MOSPD1: variants seen among roughly 807,000 people sequenced by gnomAD.
The protein encoded by MOSPD1 is motile sperm domain-containing protein 1.
Under a neutral mutation model 16.7 loss-of-function variants are expected in MOSPD1, and 5 were observed. The ratio of observed to expected loss-of-function variants is 0.30; its 90% CI spans 0.16 to 0.63. The LOEUF (loss-of-function observed/expected upper bound fraction) is 0.63, where lower values mean the gene tolerates loss of function less well. Among genes scored for constraint, MOSPD1 ranks in the 30% least tolerant of loss-of-function variants. MOSPD1 has a pLI of 0.82. For missense variants in MOSPD1, 104 were observed against 153.6 expected (o/e 0.68, Z 1.71); for synonymous variants, 67 against 59.2 (o/e 1.13, Z -0.61).
chrX:134,903,537 C>G (rs769775827), intron 1 of MOSPD1, among the ~76,000 whole-genome samples: 21 of 107,258 alleles, frequency 2.0e-4, no homozygotes, highest in African/African-American at 7.1e-4. Context: ...CATGGTGAAA[C>G]GCCGTCTCTA....
chrX:134,904,411 G>A (rs1406212094), intron 1 of MOSPD1, among the ~76,000 whole-genome samples: 1 of 112,105 alleles, frequency 8.9e-6, no homozygotes, highest in East Asian at 2.8e-4. Context: ...GTACGTCTAG[G>A]GATTTATCTG....
intron 5 of MOSPD1, 67 bp downstream of exon 5, chrX:134,891,412 C>T: frequency 3.9e-6 from 4 of 1,032,906 alleles, no homozygotes; most frequent in African/African-American, 1.9e-5. Context: ...AAAATCAAAC[C>T]ACCACCACCC....
intron 1 of MOSPD1, among the ~76,000 whole-genome samples, chrX:134,914,708 C>T (rs1332233755): frequency 8.9e-6 from 1 of 112,790 alleles, no homozygotes; most frequent in Admixed American, 9.3e-5. Flanking sequence ...TGCCGATTTC[C>T]TTCCAGTTGC....
At chrX:134,906,211 G>A (rs1263044127) in intron 1 of MOSPD1, among the ~76,000 whole-genome samples, 1 of 72,679 alleles carries the variant, frequency 1.4e-5, no homozygotes, top group Non-Finnish European at 2.4e-5. Flanking sequence ...ACGGAGTTTC[G>A]CTCATTACCC....
At chrX:134,902,989 T>G (rs1210365404) in intron 1 of MOSPD1, among the ~76,000 whole-genome samples, 1 of 110,139 alleles carries the variant, frequency 9.1e-6, no homozygotes, top group Non-Finnish European at 1.9e-5. Context: ...CTCAGAAGTT[T>G]GATGTGTTCT....
chrX:134,902,544 G>T (rs990290047), intron 1 of MOSPD1, among the ~76,000 whole-genome samples: 1 of 110,860 alleles, frequency 9.0e-6, no homozygotes, highest in South Asian at 3.8e-4. Context: ...TGTAATCCAA[G>T]CACTTTGGGA....
At chrX:134,893,781 A>C (rs1448561996) in intron 4 of MOSPD1, among the ~76,000 whole-genome samples, 3 of 111,666 alleles carry the variant, frequency 2.7e-5, no homozygotes, top group Non-Finnish European at 5.7e-5. Context: ...AGATCCTTGT[A>C]AATGTCTGCC....
intron 4 of MOSPD1, 62 bp from the exon 5 acceptor site, chrX:134,891,702 C>T: frequency 3.8e-6 from 4 of 1,063,267 alleles, no homozygotes; most frequent in Non-Finnish European, 5.2e-6. Flanking sequence ...AGTTCCTTCA[C>T]AAACACTGGC....
chrX:134,910,006 A>G (rs1452006151), intron 1 of MOSPD1, among the ~76,000 whole-genome samples: 4 of 112,166 alleles, frequency 3.6e-5, no homozygotes, highest in Non-Finnish European at 7.5e-5. Flanking sequence ...CATGTTTTAC[A>G]ACATCTCAGT....
At chrX:134,890,534 T>C (rs983884986) in intron 5 of MOSPD1, among the ~76,000 whole-genome samples, 2 of 110,613 alleles carry the variant, frequency 1.8e-5, no homozygotes, top group South Asian at 3.9e-4. Flanking sequence ...AGCGGCCAGG[T>C]GTGGTGGCTC....
intron 3 of MOSPD1, among the ~76,000 whole-genome samples, chrX:134,898,036 T>G (rs2082894645): frequency 9.3e-6 from 1 of 107,067 alleles, no homozygotes; most frequent in Non-Finnish European, 1.9e-5. Context: ...GCCCAGCTAT[T>G]TTTTTTTTTA....
At chrX:134,905,821 G>A (rs767990544) in intron 1 of MOSPD1, among the ~76,000 whole-genome samples, 1 of 112,195 alleles carries the variant, frequency 8.9e-6, no homozygotes, top group African/African-American at 3.2e-5. Context: ...TTAAGAACAT[G>A]TATAACTCTA....
At chrX:134,889,646 A>G (rs1319625331) in intron 5 of MOSPD1, among the ~76,000 whole-genome samples, 3 of 111,534 alleles carry the variant, frequency 2.7e-5, no homozygotes. Flanking sequence ...AATATAAAAT[A>G]GTAAGAATAT....
intron 1 of MOSPD1, among the ~76,000 whole-genome samples, chrX:134,906,476 G>A (rs975705427): frequency 1.0e-4 from 11 of 109,504 alleles, no homozygotes; most frequent in South Asian, 3.9e-4. Flanking sequence ...GAGCCACCGC[G>A]CCCAGCTTAT....
At chrX:134,894,788 C>T (rs772361021) in intron 4 of MOSPD1, among the ~76,000 whole-genome samples, 2 of 111,862 alleles carry the variant, frequency 1.8e-5, no homozygotes, top group South Asian at 7.5e-4. Context: ...CCTCACCAGA[C>T]CTGAAGTCCA....
At chrX:134,905,825 A>C (rs773451575) in intron 1 of MOSPD1, among the ~76,000 whole-genome samples, 1 of 112,484 alleles carries the variant, frequency 8.9e-6, no homozygotes, top group African/African-American at 3.2e-5. Flanking sequence ...GAACATGTAT[A>C]ACTCTAATGT....
At chrX:134,910,683 G>A (rs1317685734) in intron 1 of MOSPD1, among the ~76,000 whole-genome samples, 1 of 112,183 alleles carries the variant, frequency 8.9e-6, no homozygotes, top group Non-Finnish European at 1.9e-5. Flanking sequence ...TGAATTCCAG[G>A]AAGAATGTGT....
intron 5 of MOSPD1, among the ~76,000 whole-genome samples, chrX:134,890,972 A>C (rs2082860659): frequency 8.9e-6 from 1 of 111,991 alleles, no homozygotes; most frequent in South Asian, 3.8e-4. Flanking sequence ...CAATTGAAAC[A>C]ATTAACTCTA....
At chrX:134,895,600 A>T (rs2082881796) in intron 4 of MOSPD1, among the ~76,000 whole-genome samples, 1 of 111,368 alleles carries the variant, frequency 9.0e-6, no homozygotes, top group Non-Finnish European at 1.9e-5. Flanking sequence ...GTACTAGAGG[A>T]AGTATTTTAA....
Sources: allele counts gnomAD v4.1 joint callset (sites outside exome capture counted in the v4.1 genomes callset), GRCh38; gene constraint gnomAD v4.1.1; transcripts MANE v1.5; gene names NCBI Gene and HGNC (gene_info 2026-07-23, HGNC 2026-07-21).